Variants in ZBTB20 observed in about 807,000 individuals in gnomAD.
The protein encoded by ZBTB20 is zinc finger and BTB domain containing 20.
ZBTB20 carries 9 observed loss-of-function variants against 56.9 expected under a neutral mutation model. That is an observed-to-expected ratio of 0.16 (90% CI 0.10 to 0.28). The LOEUF is 0.28. Ranked by LOEUF, ZBTB20 falls within the 10% of genes least tolerant of loss-of-function variation. The probability of loss-of-function intolerance (pLI) is 1.00; values close to 1 mark genes in which losing one functional copy is unlikely to be tolerated. For synonymous variants in ZBTB20, 417 were observed against 420.7 expected, an observed-to-expected ratio of 0.99 and a Z score of 0.11; for missense variants, 655 against 1,003.0, an observed-to-expected ratio of 0.65 and a Z score of 4.69.
At chr3:114,531,885 G>A (rs1045166567) in intron 6 of ZBTB20, among the ~76,000 whole-genome samples, 5 of 150,094 alleles carry the variant, frequency 3.3e-5, no homozygotes, top group African/African-American at 7.6e-5. Flanking sequence ...AAGCACACAG[G>A]GTTGGGGAAT....
chr3:114,774,430 C>A (rs1259089820), intron 5 of ZBTB20, among the ~76,000 whole-genome samples: 1 of 152,134 alleles, frequency 6.6e-6, no homozygotes. Flanking sequence ...AAGGGCAATG[C>A]AGGATAGAAA....
chr3:115,075,581 C>G (rs2082565475), intron 1 of ZBTB20, among the ~76,000 whole-genome samples: 2 of 152,074 alleles, frequency 1.3e-5, no homozygotes, highest in East Asian at 3.8e-4. Context: ...TTTTTGAGAT[C>G]CCGATTTCAA....
chr3:114,811,830 T>G (rs183749801), intron 4 of ZBTB20, among the ~76,000 whole-genome samples: 85 of 125,090 alleles, frequency 6.8e-4, no homozygotes, highest in African/African-American at 2.3e-3. Flanking sequence ...GAGAATGTGA[T>G]GGAACTCCGT....
intron 6 of ZBTB20, among the ~76,000 whole-genome samples, chr3:114,631,563 T>C (rs1294852172): frequency 1.3e-5 from 2 of 151,810 alleles, no homozygotes; most frequent in Non-Finnish European, 2.9e-5. Context: ...CAGCTAATTT[T>C]TGTATTTTTA....
intron 2 of ZBTB20, among the ~76,000 whole-genome samples, chr3:114,984,711 C>G (rs918899124): frequency 2.0e-5 from 3 of 152,016 alleles, no homozygotes; most frequent in Non-Finnish European, 4.4e-5. Context: ...CATTTTAGAT[C>G]AGAAACATAC....
At chr3:115,128,924 C>T (rs1172424410) in intron 1 of ZBTB20, among the ~76,000 whole-genome samples, 1 of 151,992 alleles carries the variant, frequency 6.6e-6, no homozygotes, top group African/African-American at 2.4e-5. Context: ...ACAGTGAAAC[C>T]CCGTCTCTAC....
In ZBTB20 at chr3:114,972,937, A is replaced by G. The variant is rs116528510; in HGVS notation, c.-456+1429T>C. Among the ~76,000 whole-genome samples the G allele has an allele frequency of 2.3e-3, 356 of 152,190 alleles. 2 individuals carry two copies. The highest frequency in any genetic ancestry group is 8.4e-3 in the African/African-American group (350 of 41,540). On this transcript the variant is annotated intron_variant, in intron 3 of 11. Coordinates refer to ENST00000675478, the MANE Select transcript of ZBTB20 (RefSeq NM_001348800.3). The stretch of plus-strand genomic sequence containing the variant: ...TAACTTAAACTCATAACCACTCCAA[A>G]ATATACTTTACCTTGATTTTGTGAA...
chr3:115,104,058 C>T (rs183957047), intron 1 of ZBTB20, among the ~76,000 whole-genome samples: 95 of 152,186 alleles, frequency 6.2e-4, no homozygotes, highest in Non-Finnish European at 8.4e-4. Flanking sequence ...AGTGACCTCA[C>T]CAAAGAAGAT....
chr3:114,438,915 C>T (rs760411802), intron 7 of ZBTB20, among the ~76,000 whole-genome samples: 206 of 152,200 alleles, frequency 1.4e-3, no homozygotes, highest in Admixed American at 4.8e-3. Flanking sequence ...ATTCCAGTCC[C>T]AGAGCTACCC....
intron 2 of ZBTB20, among the ~76,000 whole-genome samples, chr3:114,985,027 T>C (rs2108109649): frequency 6.6e-6 from 1 of 152,176 alleles, no homozygotes; most frequent in African/African-American, 2.4e-5. Context: ...GGTTACTCTT[T>C]ATCCCACTAT....
intron 5 of ZBTB20, among the ~76,000 whole-genome samples, chr3:114,728,560 C>A (rs2065477384): frequency 6.6e-6 from 1 of 152,140 alleles, no homozygotes; most frequent in Admixed American, 6.5e-5. Context: ...AATGGTCTTT[C>A]CATCAGACCA....
intron 4 of ZBTB20, among the ~76,000 whole-genome samples, chr3:114,815,541 C>A (rs983502156): frequency 6.6e-6 from 1 of 152,028 alleles, no homozygotes; most frequent in Non-Finnish European, 1.5e-5. Flanking sequence ...GCTTAAGCAA[C>A]GGAAATATTT....
At chr3:114,585,663 A>T (rs2055108775) in intron 6 of ZBTB20, among the ~76,000 whole-genome samples, 1 of 152,134 alleles carries the variant, frequency 6.6e-6, no homozygotes, top group Non-Finnish European at 1.5e-5. Context: ...ATCCCTAGGC[A>T]GGTGGTCTTT....
At chr3:114,483,543 T>C (rs372606936) in intron 7 of ZBTB20, among the ~76,000 whole-genome samples, 1 of 152,078 alleles carries the variant, frequency 6.6e-6, no homozygotes, top group African/African-American at 2.4e-5. Context: ...AAGTATCATA[T>C]AAGCATACGG....
At chr3:114,893,977 A>AT (rs1232297238) in intron 4 of ZBTB20, among the ~76,000 whole-genome samples, 1 of 152,230 alleles carries the variant, frequency 6.6e-6, no homozygotes, top group Non-Finnish European at 1.5e-5. Context: ...GTGATTAGGC[A>AT]TTTATGCACC....
intron 7 of ZBTB20, among the ~76,000 whole-genome samples, chr3:114,404,135 T>C (rs1202963256): frequency 1.3e-5 from 2 of 152,194 alleles, no homozygotes; most frequent in East Asian, 3.9e-4. Context: ...ACTGAAGCTA[T>C]TTTTCCTTGT....
chr3:114,772,972 G>A (rs747924250), intron 5 of ZBTB20, among the ~76,000 whole-genome samples: 1 of 152,188 alleles, frequency 6.6e-6, no homozygotes, highest in Non-Finnish European at 1.5e-5. Context: ...GAAAAGAGGT[G>A]TGGTAGAAGG....
chr3:114,857,085 A>T (rs760925146), intron 4 of ZBTB20, among the ~76,000 whole-genome samples: 4 of 152,058 alleles, frequency 2.6e-5, no homozygotes, highest in Non-Finnish European at 4.4e-5. Context: ...TTCTTTTCTC[A>T]TACAGCACAT....
In ZBTB20 at chr3:114,376,152, G is replaced by T. The variant is rs77087134; in HGVS notation, c.199+4065C>A. On this transcript the variant is annotated intron_variant, in intron 10 of 11. Transcript: ENST00000675478. Reference sequence around the variant, plus strand: ...ACATGTAGAGCTATAATAGTCTTCCGTTCCAGGATAATACGTATAGATGGT... The same window carrying T: ...ACATGTAGAGCTATAATAGTCTTCCTTTCCAGGATAATACGTATAGATGGT... 4.8e-3 allele frequency among the ~76,000 whole-genome samples: 726 copies of T among 152,242 alleles called. 5 individuals are homozygous for T. The highest frequency in any genetic ancestry group is 0.016 in the African/African-American group (676 of 41,532).
Sources: allele counts gnomAD v4.1 joint callset (sites outside exome capture counted in the v4.1 genomes callset), GRCh38; gene constraint gnomAD v4.1.1; transcripts MANE v1.5; gene names NCBI Gene and HGNC (gene_info 2026-07-23, HGNC 2026-07-21).